Variants in CREBBP observed in about 807,000 individuals in gnomAD.
CREBBP encodes CREB-binding protein.
Under a neutral mutation model 265.0 loss-of-function variants are expected in CREBBP, and 19 were observed. The observed-to-expected ratio is 0.07, with a 90% confidence interval of 0.05 to 0.11. The LOEUF (loss-of-function observed/expected upper bound fraction) is 0.11. CREBBP is among the 10% of genes least tolerant of loss of function. The pLI is 1.00. For synonymous variants in CREBBP, 1,457 were observed against 1,223.7 expected, an observed-to-expected ratio of 1.19 and a Z score of -3.98; for missense variants, 2,525 against 3,219.0, an observed-to-expected ratio of 0.78 and a Z score of 5.22.
chr16:3,769,470 G>A (rs781498803), intron 14 of CREBBP, 117 bp from the exon 15 acceptor site: 3 of 1,304,558 alleles, frequency 2.3e-6, no homozygotes, highest in Non-Finnish European at 3.3e-6. Context: ...TGATCCAGCA[G>A]GTGCCCTTCT....
At position 3,727,128 on chromosome 16, in the gene CREBBP, GTA is replaced by G. The variant is rs1218876133; in HGVS notation, c.*588_*589del. Reference sequence around the variant, plus strand: ...AGACAAGTTTGGCTTCAGCCATTATGTATAGATAGATGTGTGTGGGTGTGTAC... The same window carrying G: ...AGACAAGTTTGGCTTCAGCCATTATGTAGATAGATGTGTGTGGGTGTGTAC... On this transcript the variant is annotated 3_prime_UTR_variant, in exon 31 of 31. Transcript: ENST00000262367. 1 of 234,782 alleles carries G rather than the reference GTA, an allele frequency of 4.3e-6. No homozygotes were observed. The highest frequency in any genetic ancestry group is 8.4e-6 in the Non-Finnish European group (1 of 118,882). The allele number at this position is 234,782 out of a possible 1,614,324, so 14.5% of individuals were successfully genotyped here.
chr16:3,729,673 G>A lies in CREBBP; in HGVS notation c.5374C>T (p.Leu1792=), dbSNP rs773650751. The part of the protein sequence containing the change: ...ACQCRNANCS[L]PSCQKMKRVV... ...CGCTTCATCTTCTGGCAGGATGGCAGCGAGCAGTTGGCGTTGCGGCACTGG... is the reference window on the plus strand; with the variant it reads ...CGCTTCATCTTCTGGCAGGATGGCAACGAGCAGTTGGCGTTGCGGCACTGG... Residue 1792 remains leucine (L), a synonymous_variant, in exon 31 of 31, where the codon CTG becomes TTG. Transcript: ENST00000262367. 3.1e-6 allele frequency: 5 copies of A among 1,613,436 alleles called. No individual in the cohort carries two copies. The African/African-American group carries it at 5.3e-5, about 17-fold the overall frequency.
Position 3,769,356 on chromosome 16 carries a change from GT to G in CREBBP, c.2881-4del. 1 of 1,614,190 alleles carries G rather than the reference GT, an allele frequency of 6.2e-7. No homozygotes were observed. The highest frequency in any genetic ancestry group is 8.5e-7 in the Non-Finnish European group (1 of 1,180,024). ...ATGCTGGCTGCTGCCTGGGAAAGCT[GT>G]GAAAAAACCGAAAGCACTGACTTCA... On this transcript the variant is annotated splice_polypyrimidine_tract_variant and splice_region_variant and intron_variant, in intron 14 of 30. Coordinates refer to ENST00000262367, the MANE Select transcript of CREBBP (RefSeq NM_004380.3).
Position 3,751,713 on chromosome 16 carries a change from G to C in CREBBP, c.3779+13C>G. Reference sequence around the variant, plus strand: ...CTCCCTCACCCCAGAGAAAATGACAGGACGGTACTTACGTCTGGGGCTGTG... The same window carrying C: ...CTCCCTCACCCCAGAGAAAATGACACGACGGTACTTACGTCTGGGGCTGTG... On this transcript the variant is annotated intron_variant, in intron 20 of 30. Transcript: ENST00000262367. 6.2e-7 allele frequency: 1 copy of C among 1,613,736 alleles called. No homozygotes were observed. The highest frequency in any genetic ancestry group is 8.5e-7 in the Non-Finnish European group (1 of 1,179,614).
intron 19 of CREBBP, among the ~76,000 whole-genome samples, chr16:3,754,252 G>A (rs1277675007): frequency 6.6e-6 from 1 of 152,188 alleles, no homozygotes; most frequent in African/African-American, 2.4e-5. Context: ...TTCTGAGAGA[G>A]GAAGACAGCA....
rs115223163 is a variant in CREBBP at position 3,734,091 on chromosome 16, G to A, written c.4728+1945C>T. 7.3e-4 allele frequency among the ~76,000 whole-genome samples: 111 copies of A among 152,310 alleles called. 1 individual carries two copies. The highest frequency in any genetic ancestry group is 5.2e-3 in the South Asian group (25 of 4,822). ...GCTTTCCCTGGGCACATTTGTCTCCGTGTTTGCGACATTCCTCACGAAGCT... is the reference window on the plus strand; with the variant it reads ...GCTTTCCCTGGGCACATTTGTCTCCATGTTTGCGACATTCCTCACGAAGCT... On this transcript the variant is annotated intron_variant, in intron 28 of 30. Transcript: ENST00000262367.
At chr16:3,810,801 A>G in intron 2 of CREBBP, 22 bp from the exon 3 acceptor site, 1 of 1,613,168 alleles carries the variant, frequency 6.2e-7, no homozygotes. Context: ...AAGAGGTAAC[A>G]TCAGCTGTGG....
intron 1 of CREBBP, among the ~76,000 whole-genome samples, chr16:3,851,283 C>T (rs745783757): frequency 1.8e-5 from 2 of 111,208 alleles, no homozygotes; most frequent in Non-Finnish European, 3.5e-5. Context: ...ACCGAAACAC[C>T]GTCTCAAAAA....
chr16:3,751,189 C>T (rs2052464069), intron 20 of CREBBP, among the ~76,000 whole-genome samples: 2 of 152,324 alleles, frequency 1.3e-5, no homozygotes, highest in South Asian at 4.1e-4. Flanking sequence ...GCCACAGTAC[C>T]ACCGCCTTGA....
intron 3 of CREBBP, among the ~76,000 whole-genome samples, chr16:3,794,331 CAAAAAAAAAAAAAAAAAAAA>C (rs746656673): frequency 2.8e-4 from 11 of 39,594 alleles, no homozygotes; most frequent in Admixed American, 4.6e-4. Flanking sequence ...GACTCCGTCT[CAAAAAAAAAAAAAAAAAAAA>C]AAAAAAAAAA....
chr16:3,848,726 T>G (rs1597048841), intron 2 of CREBBP, among the ~76,000 whole-genome samples: 1 of 151,814 alleles, frequency 6.6e-6, no homozygotes, highest in African/African-American at 2.4e-5. Context: ...AAGTAAGGAG[T>G]AGAGTGATGA....
chr16:3,820,485 G>C (rs1424729733), intron 2 of CREBBP, among the ~76,000 whole-genome samples: 1 of 152,168 alleles, frequency 6.6e-6, no homozygotes, highest in East Asian at 1.9e-4. Context: ...AGGAAAATGT[G>C]CGGCCCCCAG....
chr16:3,747,221 T>C (rs1490290355), intron 21 of CREBBP, among the ~76,000 whole-genome samples: 3 of 152,192 alleles, frequency 2.0e-5, no homozygotes, highest in Admixed American at 1.3e-4. Flanking sequence ...GTTCACCTCA[T>C]AGACCAAAGA....
At chr16:3,873,578 C>T (rs1048187709) in intron 1 of CREBBP, among the ~76,000 whole-genome samples, 6 of 152,216 alleles carry the variant, frequency 3.9e-5, no homozygotes, top group East Asian at 1.9e-4. Context: ...CCCTGGTTAA[C>T]GCTAGTGTCA....
chr16:3,854,353 G>A (rs2141516002), intron 1 of CREBBP, among the ~76,000 whole-genome samples: 1 of 152,302 alleles, frequency 6.6e-6, no homozygotes, highest in African/African-American at 2.4e-5. Flanking sequence ...AGCCAGGAGA[G>A]CAGACACCAC....
At chr16:3,859,446 G>C (rs899339947) in intron 1 of CREBBP, among the ~76,000 whole-genome samples, 1 of 152,016 alleles carries the variant, frequency 6.6e-6, no homozygotes. Context: ...CATCCGCCTC[G>C]GCCTCACAAA....
chr16:3,839,437 T>C (rs1357732244), intron 2 of CREBBP, among the ~76,000 whole-genome samples: 1 of 151,940 alleles, frequency 6.6e-6, no homozygotes, highest in African/African-American at 2.4e-5. Context: ...TCCCAGCACT[T>C]TGGGAGGCTG....
Position 3,736,463 on chromosome 16 carries a change from G to GGCC in CREBBP, c.4560+184_4560+186dup, listed in dbSNP as rs2052064014. On this transcript the variant is annotated intron_variant, in intron 27 of 30. Transcript: ENST00000262367. ...AGCTCCAACTGTGCTGCTCTCAGAC[G>GGCC]GCCAGGGGAAAGCCTCAATCAGCTG... is the stretch of plus-strand genomic sequence containing the variant. The GGCC allele has an allele frequency of 4.5e-6, 4 of 889,242 alleles. No homozygotes were observed. The East Asian group carries it at 1.0e-4, about 23-fold the overall frequency. The allele number at this position is 889,242 out of a possible 1,614,324, so 55.1% of individuals were successfully genotyped here.
chr16:3,853,996 A>C (rs955574897), intron 1 of CREBBP, among the ~76,000 whole-genome samples: 3 of 152,128 alleles, frequency 2.0e-5, no homozygotes, highest in Non-Finnish European at 4.4e-5. Flanking sequence ...AAAAGAAAAG[A>C]AAATTAAAAC....
Sources: gnomAD v4.1 joint callset for allele counts (sites outside exome capture counted in the v4.1 genomes callset) on GRCh38, gnomAD v4.1.1 for gene constraint, MANE v1.5 for transcripts, NCBI Gene and HGNC (gene_info 2026-07-23, HGNC 2026-07-21) for gene names.